The following KLHDC4 variants were observed in gnomAD, a reference collection of about 807,000 sequenced individuals.
KLHDC4 encodes kelch domain containing 4.
Under a neutral mutation model 62.4 loss-of-function variants are expected in KLHDC4, and 90 were observed. The ratio of observed to expected loss-of-function variants is 1.44; its 90% CI spans 1.22 to 1.72. The LOEUF (loss-of-function observed/expected upper bound fraction) is 1.72, where lower values mean the gene tolerates loss of function less well. KLHDC4 is among the 40% of genes most tolerant of loss of function. KLHDC4 has a pLI of 0.00. For synonymous variants in KLHDC4, 386 were observed against 284.4 expected, an observed-to-expected ratio of 1.36 and a Z score of -3.59; for missense variants, 1,025 against 699.7, an observed-to-expected ratio of 1.47 and a Z score of -5.25.
At chr16:87,755,648 C>A (rs2044759519) in intron 3 of KLHDC4, 1 of 194,252 alleles carries the variant, frequency 5.1e-6, no homozygotes, top group South Asian at 8.7e-5. Context: ...CTCACTGCAA[C>A]CTCCGCCTCC....
chr16:87,713,207 T>C (rs1567667529), intron 8 of KLHDC4, among the ~76,000 whole-genome samples: 1 of 151,430 alleles, frequency 6.6e-6, no homozygotes, highest in African/African-American at 2.4e-5. Flanking sequence ...ACATATTTTT[T>C]TTGTTTTTTT....
At chr16:87,763,894 G>A (rs946036156) in intron 1 of KLHDC4, among the ~76,000 whole-genome samples, 5 of 152,262 alleles carry the variant, frequency 3.3e-5, no homozygotes, top group East Asian at 3.9e-4. Flanking sequence ...CGACTCAGAC[G>A]GAGTATGGTT....
chr16:87,733,005 G>A (rs903664393), intron 5 of KLHDC4, among the ~76,000 whole-genome samples: 4 of 136,392 alleles, frequency 2.9e-5, no homozygotes, highest in African/African-American at 1.2e-4. Flanking sequence ...AAAGGCAGGT[G>A]CAAAGCAAAT....
In KLHDC4 at chr16:87,708,404, C is replaced by T. The variant is rs141766472; in HGVS notation, c.1510G>A (p.Glu504Lys). 30 of 1,611,800 alleles carry T rather than the reference C, an allele frequency of 1.9e-5. 1 individual carries two copies. Among genetic ancestry groups the T allele is most frequent in the African/African-American group, 9.3e-5 (7 of 74,912 alleles). The change falls in exon 11 of 12, where the codon GAG (glutamate) becomes AAG (lysine). Residue 504 changes from glutamate to lysine, a missense_variant. Coordinates refer to ENST00000270583, the MANE Select transcript of KLHDC4 (RefSeq NM_017566.4). ...CTGTCTTCGTCGTCGACCCCACCCT[C>T]GGCGCCCTCAACCTCCTCACTGTCC... ...EEDSEEVEGA[E>K]GGVDDEDSGE...
In KLHDC4 at chr16:87,716,608, T is replaced by A. The variant is rs572900777; in HGVS notation, c.760-2035A>T. The stretch of plus-strand genomic sequence containing the variant: ...CGCCATTTCTCAAGGGAGCCCTGGT[T>A]CCCTTTGTTGGAGAATAGTGTTAGA... On this transcript the variant is annotated intron_variant, in intron 7 of 11. Coordinates refer to ENST00000270583, the MANE Select transcript of KLHDC4 (RefSeq NM_017566.4). Among the ~76,000 whole-genome samples, 123 of 152,294 alleles carry A rather than the reference T, an allele frequency of 8.1e-4. 1 individual carries two copies. Among genetic ancestry groups the A allele is most frequent in the African/African-American group, 2.7e-3 (112 of 41,564 alleles).
intron 6 of KLHDC4, among the ~76,000 whole-genome samples, chr16:87,730,221 T>C (rs964094087): frequency 6.6e-6 from 1 of 152,268 alleles, no homozygotes; most frequent in African/African-American, 2.4e-5. Context: ...CCCAAAGTGC[T>C]GGGATTATAG....
In KLHDC4 at chr16:87,756,229, G is replaced by A. The variant is rs1284773826; in HGVS notation, c.270+170C>T. 27 of 547,970 alleles carry A rather than the reference G, an allele frequency of 4.9e-5. No individual in the cohort carries two copies. The South Asian group carries it at 5.3e-4, about 11-fold the overall frequency. 33.9% of individuals were successfully genotyped at this position (547,970 alleles called of 1,614,324 possible). A position where few individuals can be genotyped will look rare whatever the true frequency, so the allele number is the denominator to read the frequency against. ...GACCACTGAAGTCATCAACAGTCAT[G>A]CCAGGGCCTGGAGCATCCTGGCGAC... is the stretch of plus-strand genomic sequence containing the variant. On this transcript the variant is annotated intron_variant, in intron 3 of 11. Transcript: ENST00000270583.
intron 7 of KLHDC4, among the ~76,000 whole-genome samples, chr16:87,719,568 C>A (rs1257233642): frequency 6.6e-6 from 1 of 152,010 alleles, no homozygotes; most frequent in African/African-American, 2.4e-5. Flanking sequence ...AAACCAGAGA[C>A]CTTTGTTCAC....
Position 87,758,373 on chromosome 16 carries a change from A to G in KLHDC4, c.192-1896T>C, listed in dbSNP as rs185750030. Among the ~76,000 whole-genome samples, 6 of 152,362 alleles carry G rather than the reference A, an allele frequency of 3.9e-5. No individual in the cohort carries two copies. The East Asian group carries it at 5.8e-4, about 15-fold the overall frequency. The stretch of plus-strand genomic sequence containing the variant: ...CCCACAGACGGAACAGGATTTAGCC[A>G]TAAGAAGAAATAAAGTTCTCACACA... On this transcript the variant is annotated intron_variant, in intron 2 of 11. Transcript: ENST00000270583.
At chr16:87,719,003 G>A (rs1394402101) in intron 7 of KLHDC4, among the ~76,000 whole-genome samples, 9 of 151,858 alleles carry the variant, frequency 5.9e-5, no homozygotes, top group African/African-American at 1.7e-4. Context: ...CGCCCCCTCC[G>A]GGAAGTGAGG....
intron 7 of KLHDC4, among the ~76,000 whole-genome samples, chr16:87,723,951 C>G (rs1195893650): frequency 6.6e-6 from 1 of 152,228 alleles, no homozygotes; most frequent in Non-Finnish European, 1.5e-5. Flanking sequence ...ATTCTCCTAT[C>G]TCAGCCTCCC....
chr16:87,716,106 CTT>C (rs1466847172), intron 7 of KLHDC4, among the ~76,000 whole-genome samples: 2 of 152,026 alleles, frequency 1.3e-5, no homozygotes, highest in African/African-American at 2.4e-5. Context: ...CTGACGTAGA[CTT>C]TGGGTACACA....
At chr16:87,756,329 C>A in intron 3 of KLHDC4, 70 bp downstream of exon 3, 2 of 1,185,574 alleles carry the variant, frequency 1.7e-6, no homozygotes, top group Non-Finnish European at 2.5e-6. Context: ...GATGTCACTG[C>A]CTTAAGTTAA....
At chr16:87,714,455 C>T in intron 8 of KLHDC4, 43 bp downstream of exon 8, 2 of 1,611,738 alleles carry the variant, frequency 1.2e-6, no homozygotes, top group Non-Finnish European at 1.7e-6. Context: ...TCCCGCCACA[C>T]ACAGACCAGC....
chr16:87,702,015 T>TCCTTACA lies in KLHDC4; in HGVS notation c.*526_*532dup, dbSNP rs758500878. Reference sequence around the variant, plus strand: ...AAGCTCAGCCCAGCAGCCAGGCAGCTCCTTACAGAGGCTAACGCCGGGTCT... The same window carrying TCCTTACA: ...AAGCTCAGCCCAGCAGCCAGGCAGCTCCTTACACCTTACAGAGGCTAACGCCGGGTCT... On this transcript the variant is annotated 3_prime_UTR_variant and NMD_transcript_variant, in exon 14 of 17. Transcript: ENST00000567298. The TCCTTACA allele has an allele frequency of 1.3e-5, 6 of 456,240 alleles. No homozygotes were observed. In the East Asian group the frequency reaches 4.2e-4, roughly 32 times the overall value. The allele number at this position is 456,240 out of a possible 1,614,324, so 28.3% of individuals were successfully genotyped here.
intron 5 of KLHDC4, among the ~76,000 whole-genome samples, chr16:87,731,602 G>A (rs543686176): frequency 4.6e-5 from 7 of 151,872 alleles, no homozygotes; most frequent in African/African-American, 9.7e-5. Context: ...TCAAGTGCTG[G>A]CGAGGACATG....
chr16:87,750,838 G>C (rs1390904839), intron 4 of KLHDC4: 1 of 152,276 alleles, frequency 6.6e-6, no homozygotes, highest in Non-Finnish European at 1.5e-5. Flanking sequence ...ACTTCCAGTT[G>C]TTCTTTGCAT....
At chr16:87,733,576 C>A (rs1157777519) in intron 5 of KLHDC4, among the ~76,000 whole-genome samples, 1 of 151,804 alleles carries the variant, frequency 6.6e-6, no homozygotes, top group Non-Finnish European at 1.5e-5. Flanking sequence ...GGGATCCTCA[C>A]TGATGACCTG....
At chr16:87,730,011 T>G (rs2040060342) in intron 6 of KLHDC4, among the ~76,000 whole-genome samples, 1 of 152,242 alleles carries the variant, frequency 6.6e-6, no homozygotes, top group Non-Finnish European at 1.5e-5. Flanking sequence ...TGGAGTTCAG[T>G]GGCATGATCT....
Sources: gnomAD v4.1 joint callset for allele counts (sites outside exome capture counted in the v4.1 genomes callset) on GRCh38, gnomAD v4.1.1 for gene constraint, MANE v1.5 for transcripts, NCBI Gene and HGNC (gene_info 2026-07-23, HGNC 2026-07-21) for gene names.